The following SORCS3 variants were observed in gnomAD, a reference collection of about 807,000 sequenced individuals.
The protein encoded by SORCS3 is sortilin related VPS10 domain containing receptor 3.
A neutral mutation model predicts 146.3 loss-of-function variants in SORCS3; 57 were observed. That is an observed-to-expected ratio of 0.39 (90% CI 0.31 to 0.49). The LOEUF is 0.49. Ranked by LOEUF, SORCS3 falls within the 20% of genes least tolerant of loss-of-function variation. The pLI is 0.92. For missense variants in SORCS3, 1,341 were observed against 1,575.5 expected, an observed-to-expected ratio of 0.85 and a Z score of 2.52; for synonymous variants, 653 against 618.5, an observed-to-expected ratio of 1.06 and a Z score of -0.83.
At chr10:104,701,117 A>G (rs2016274865) in intron 1 of SORCS3, among the ~76,000 whole-genome samples, 1 of 152,146 alleles carries the variant, frequency 6.6e-6, no homozygotes, top group South Asian at 2.1e-4. Flanking sequence ...GTTCCTATTT[A>G]CTGTGAGTTC....
rs1016693325 is a variant in SORCS3, at chr10:105,263,172, G to A, written c.3605-138G>A. On this transcript the variant is annotated intron_variant, in intron 26 of 26. Coordinates refer to ENST00000369701, the MANE Select transcript of SORCS3 (RefSeq NM_014978.3). ...ATAAGTCAGTGAGCTGATAGGTAACGATATCCGGGTGCCTTTTAAATAAAT... is the reference window on the plus strand; with the variant it reads ...ATAAGTCAGTGAGCTGATAGGTAACAATATCCGGGTGCCTTTTAAATAAAT... The A allele has an allele frequency of 3.8e-5, 26 of 689,450 alleles. 1 individual carries two copies. The highest frequency in any genetic ancestry group is 3.4e-4 in the South Asian group (17 of 50,688). The allele number at this position is 689,450 out of a possible 1,614,324, so 42.7% of individuals were successfully genotyped here.
At chr10:104,836,475 G>C (rs1375518760) in intron 1 of SORCS3, among the ~76,000 whole-genome samples, 1 of 152,184 alleles carries the variant, frequency 6.6e-6, no homozygotes, top group Non-Finnish European at 1.5e-5. Context: ...TTTGGGGACA[G>C]CAGAAGATAC....
chr10:105,053,419 C>G (rs1362922829), intron 5 of SORCS3, among the ~76,000 whole-genome samples: 2 of 151,718 alleles, frequency 1.3e-5, no homozygotes, highest in African/African-American at 2.4e-5. Flanking sequence ...GTTTAAAAGA[C>G]ACAGACACAC....
Position 105,147,582 on chromosome 10 carries a change from A to T in SORCS3, c.1303-35A>T, listed in dbSNP as rs1272177659. On this transcript the variant is annotated intron_variant, in intron 8 of 26. Transcript: ENST00000369701. Reference sequence around the variant, plus strand: ...TCCCAATGGGCAGAGAGATATGGAGATCTGCTGCCTTACAAGCCTTCCATC... The same window carrying T: ...TCCCAATGGGCAGAGAGATATGGAGTTCTGCTGCCTTACAAGCCTTCCATC... The T allele has an allele frequency of 3.8e-6, 6 of 1,572,080 alleles. No individual in the cohort carries two copies. The African/African-American group carries it at 6.8e-5, about 18-fold the overall frequency.
At chr10:105,212,727 G>A (rs1030730976) in intron 17 of SORCS3, among the ~76,000 whole-genome samples, 1 of 152,138 alleles carries the variant, frequency 6.6e-6, no homozygotes, top group African/African-American at 2.4e-5. Flanking sequence ...TCATCAACCA[G>A]CTTGAGTTAA....
intron 1 of SORCS3, among the ~76,000 whole-genome samples, chr10:104,664,089 G>A (rs1028679435): frequency 1.3e-5 from 2 of 152,180 alleles, no homozygotes; most frequent in Non-Finnish European, 2.9e-5. Flanking sequence ...TGCTGGGGGA[G>A]GCGAGGGTGA....
chr10:104,795,880 T>A (rs2017549126), intron 1 of SORCS3, among the ~76,000 whole-genome samples: 1 of 152,236 alleles, frequency 6.6e-6, no homozygotes, highest in African/African-American at 2.4e-5. Context: ...ATGTTCCACC[T>A]GCAACCAAGA....
chr10:104,899,295 A>T (rs2018828556), intron 2 of SORCS3, among the ~76,000 whole-genome samples: 5 of 152,190 alleles, frequency 3.3e-5, no homozygotes. Flanking sequence ...ACTCACACAC[A>T]TCCTTTCAGG....
chr10:105,211,486 C>G (rs2056633370), intron 17 of SORCS3, among the ~76,000 whole-genome samples: 1 of 152,108 alleles, frequency 6.6e-6, no homozygotes, highest in African/African-American at 2.4e-5. Flanking sequence ...TATGATAGAC[C>G]ATAGTTACTG....
In SORCS3 at chr10:105,159,935, G is replaced by A. The variant is rs890062418; in HGVS notation, c.1732+941G>A. Among the ~76,000 whole-genome samples, 4 of 152,166 alleles carry A rather than the reference G, an allele frequency of 2.6e-5. No homozygotes were observed. In the South Asian group the frequency reaches 8.3e-4, roughly 32 times the overall value. On this transcript the variant is annotated intron_variant, in intron 11 of 26. Coordinates refer to ENST00000369701, the MANE Select transcript of SORCS3 (RefSeq NM_014978.3). ...AGTCAACTCCTGTCAACCCCAGATG[G>A]TTGACACCACAGTGGTATTAAGCAA...
At chr10:105,235,724 A>T (rs1278849573) in intron 20 of SORCS3, among the ~76,000 whole-genome samples, 1 of 151,922 alleles carries the variant, frequency 6.6e-6, no homozygotes, top group Non-Finnish European at 1.5e-5. Context: ...AGGCAGCACG[A>T]TATAGTGGAC....
intron 20 of SORCS3, among the ~76,000 whole-genome samples, chr10:105,228,324 T>C (rs567908283): frequency 1.3e-5 from 2 of 151,490 alleles, no homozygotes; most frequent in Non-Finnish European, 3.0e-5. Flanking sequence ...CTGCCCTCCA[T>C]CACTCCCTCC....
At chr10:105,026,684 G>A (rs894497739) in intron 4 of SORCS3, among the ~76,000 whole-genome samples, 1 of 152,178 alleles carries the variant, frequency 6.6e-6, no homozygotes, top group Non-Finnish European at 1.5e-5. Flanking sequence ...CAGCAACATG[G>A]AATGCAGCTG....
intron 5 of SORCS3, among the ~76,000 whole-genome samples, chr10:105,088,516 C>T (rs1185221461): frequency 1.7e-5 from 2 of 119,092 alleles, no homozygotes; most frequent in African/African-American, 5.3e-5. Flanking sequence ...CACTTGCTGC[C>T]GAAGTAATAA....
At chr10:105,116,637 A>G (rs1439099017) in intron 7 of SORCS3, among the ~76,000 whole-genome samples, 1 of 152,152 alleles carries the variant, frequency 6.6e-6, no homozygotes, top group Non-Finnish European at 1.5e-5. Context: ...ATCAACCTAA[A>G]TGCCCATCAA....
chr10:105,093,872 C>G (rs548964496), intron 6 of SORCS3, among the ~76,000 whole-genome samples: 1 of 152,156 alleles, frequency 6.6e-6, no homozygotes, highest in Non-Finnish European at 1.5e-5. Flanking sequence ...AGCAATCCCA[C>G]TTCTGCTATA....
chr10:105,125,199 A>G (rs969253194), intron 7 of SORCS3, among the ~76,000 whole-genome samples: 9 of 152,126 alleles, frequency 5.9e-5, no homozygotes, highest in Admixed American at 5.9e-4. Context: ...AGTTATTTTT[A>G]AAGATTTGTC....
chr10:105,010,995 G>A (rs1444891375), intron 4 of SORCS3, among the ~76,000 whole-genome samples: 2 of 152,128 alleles, frequency 1.3e-5, no homozygotes, highest in Non-Finnish European at 2.9e-5. Context: ...AGGAGGAGGA[G>A]TGATGGCTGG....
At chr10:105,056,667 A>G (rs1300455343) in intron 5 of SORCS3, among the ~76,000 whole-genome samples, 1 of 152,210 alleles carries the variant, frequency 6.6e-6, no homozygotes, top group African/African-American at 2.4e-5. Flanking sequence ...GACAGATGCA[A>G]ATCTTCTAAA....
Sources: allele counts gnomAD v4.1 joint callset (sites outside exome capture counted in the v4.1 genomes callset), GRCh38; gene constraint gnomAD v4.1.1; transcripts MANE v1.5; gene names NCBI Gene and HGNC (gene_info 2026-07-23, HGNC 2026-07-21).